The following DMTN variants were observed in gnomAD, a reference collection of about 807,000 sequenced individuals.
DMTN encodes the protein dematin actin binding protein.
A neutral mutation model predicts 59.4 loss-of-function variants in DMTN; 27 were observed. That is an observed-to-expected ratio of 0.45 (90% CI 0.33 to 0.63). DMTN has a LOEUF of 0.63. Among genes scored for constraint, DMTN ranks in the 20% least tolerant of loss-of-function variants. The pLI, the probability that DMTN is intolerant of heterozygous loss-of-function variation, is 0.02. For missense variants in DMTN, 451 were observed against 528.9 expected (o/e 0.85, Z 1.45); for synonymous variants, 221 against 203.7 (o/e 1.08, Z -0.72).
chr8:22,067,250 TC>T, intron 3 of DMTN, 91 bp downstream of exon 3: 1 of 1,399,098 alleles, frequency 7.1e-7, no homozygotes. Context: ...CCGCAGAGCC[TC>T]CCCAGTGGTG....
chr8:22,055,162 C>G (rs1351510623), upstream of DMTN, among the ~76,000 whole-genome samples: 3 of 152,164 alleles, frequency 2.0e-5, no homozygotes, highest in African/African-American at 7.2e-5. Flanking sequence ...TTCCAGGCCC[C>G]TGGCCACAGC....
At chr8:22,066,524 A>G (rs990741443) in intron 1 of DMTN, 181 bp from the exon 2 acceptor site, 5 of 189,530 alleles carry the variant, frequency 2.6e-5, no homozygotes, top group African/African-American at 1.2e-4. Flanking sequence ...CCAGAGAACA[A>G]TGGCTCAAAA....
chr8:22,052,446 T>G (rs1655891533), upstream of DMTN, among the ~76,000 whole-genome samples: 1 of 152,186 alleles, frequency 6.6e-6, no homozygotes, highest in Admixed American at 6.5e-5. Flanking sequence ...TCCTTCCTTC[T>G]TTAGGCAGAC....
chr8:22,069,161 G>T, intron 5 of DMTN, 101 bp downstream of exon 5: 1 of 1,394,224 alleles, frequency 7.2e-7, no homozygotes, highest in South Asian at 1.3e-5. Flanking sequence ...AGCCCAGGGA[G>T]TGCCCGAATC....
intron 10 of DMTN, 57 bp from the exon 11 acceptor site, chr8:22,080,123 C>A: frequency 6.2e-7 from 1 of 1,604,628 alleles, no homozygotes; most frequent in Non-Finnish European, 8.5e-7. Flanking sequence ...GTTGCTGTCT[C>A]AGGAAGGGCT....
At chr8:22,076,028 T>C (rs940258198) in intron 10 of DMTN, among the ~76,000 whole-genome samples, 4 of 152,158 alleles carry the variant, frequency 2.6e-5, no homozygotes, top group Non-Finnish European at 4.4e-5. Flanking sequence ...ATCCAGTGGC[T>C]GATTGGACGT....
At chr8:22,077,781 C>T (rs1316514226) in intron 10 of DMTN, among the ~76,000 whole-genome samples, 1 of 152,114 alleles carries the variant, frequency 6.6e-6, no homozygotes, top group Admixed American at 6.6e-5. Context: ...GAATCATGAA[C>T]AGGCATGTCA....
At chr8:22,080,714 C>A in intron 13 of DMTN, 89 bp downstream of exon 13, 1 of 1,582,204 alleles carries the variant, frequency 6.3e-7, no homozygotes, top group Non-Finnish European at 8.6e-7. Flanking sequence ...TGTGGGGCCA[C>A]AGAGTTGCCT....
chr8:22,068,764 A>C (rs1446743573), intron 4 of DMTN, among the ~76,000 whole-genome samples: 2 of 150,796 alleles, frequency 1.3e-5, no homozygotes, highest in African/African-American at 4.9e-5. Flanking sequence ...GGAAGGAAGG[A>C]AGGAAGAAAA....
At position 22,071,090 on chromosome 8, in the gene DMTN, ATTTATTT is replaced by A. The variant is rs1287874681; in HGVS notation, c.604+757_604+763del. On this transcript the variant is annotated intron_variant, in intron 8 of 15. Transcript: ENST00000358242. ...ATTTTATTGTATTTTTATTTTATTT[ATTTATTT>A]ATTTATTTATTTATTTGAGATGGAG... Among the ~76,000 whole-genome samples the A allele has an allele frequency of 5.0e-4, 10 of 19,976 alleles. No individual in the cohort carries two copies. The East Asian group carries it at 0.4, about 799-fold the overall frequency. 13.1% of individuals were successfully genotyped at this position (19,976 alleles called of 152,430 possible).
chr8:22,071,538 G>A (rs1467109694), intron 8 of DMTN, among the ~76,000 whole-genome samples: 1 of 151,676 alleles, frequency 6.6e-6, no homozygotes, highest in African/African-American at 2.4e-5. Context: ...AGGATTACAG[G>A]TGCCCACCAC....
intron 8 of DMTN, among the ~76,000 whole-genome samples, chr8:22,071,018 T>G (rs1041451784): frequency 6.6e-6 from 1 of 152,370 alleles, no homozygotes; most frequent in South Asian, 2.1e-4. Context: ...TGTGTATGTG[T>G]GTGTTGCCTA....
chr8:22,071,100 T>G (rs1460871592), intron 8 of DMTN, among the ~76,000 whole-genome samples: 1 of 151,970 alleles, frequency 6.6e-6, no homozygotes, highest in Non-Finnish European at 1.5e-5. Flanking sequence ...ATTTATTTAT[T>G]TATTTATTTA....
intron 9 of DMTN, among the ~76,000 whole-genome samples, chr8:22,073,125 G>A (rs1817011137): frequency 6.6e-6 from 1 of 152,206 alleles, no homozygotes. Context: ...TGAGCAGGGT[G>A]ACCTGGGACA....
intron 10 of DMTN, among the ~76,000 whole-genome samples, chr8:22,076,132 G>A (rs1034177502): frequency 3.9e-5 from 6 of 152,142 alleles, no homozygotes; most frequent in African/African-American, 1.2e-4. Context: ...GGATTTTCAG[G>A]GAAAGATGAG....
intron 1 of DMTN, among the ~76,000 whole-genome samples, chr8:22,059,014 C>T (rs549897655): frequency 3.9e-5 from 6 of 152,110 alleles, no homozygotes; most frequent in Non-Finnish European, 7.4e-5. Flanking sequence ...TGCAGCGCCG[C>T]ACTGCTCCAC....
intron 12 of DMTN, 46 bp from the exon 13 acceptor site, chr8:22,080,572 G>A: frequency 1.2e-6 from 2 of 1,612,876 alleles, no homozygotes; most frequent in African/African-American, 1.3e-5. Context: ...GTGTTGGCCT[G>A]CTGACCTCAG....
At position 22,072,463 on chromosome 8, in the gene DMTN, C is replaced by T. The variant is rs1355802867; in HGVS notation, c.729+13C>T. On this transcript the variant is annotated intron_variant, in intron 9 of 15. Transcript: ENST00000358242. The stretch of plus-strand genomic sequence containing the variant: ...GGAACTCAGTAAGGTAGCATCTCAC[C>T]ACCCCCACCCTCCACCCCTGTGCAG... 2.6e-6 allele frequency: 4 copies of T among 1,544,588 alleles called. No individual in the cohort carries two copies. The highest frequency in any genetic ancestry group is 3.4e-4 in the Middle Eastern group (2 of 5,914).
chr8:22,079,866 G>T (rs1230031921), intron 10 of DMTN, among the ~76,000 whole-genome samples: 1 of 152,114 alleles, frequency 6.6e-6, no homozygotes, highest in South Asian at 2.1e-4. Context: ...TATCCCAGAG[G>T]TTCATTTTAT....
Sources: allele counts gnomAD v4.1 joint callset (sites outside exome capture counted in the v4.1 genomes callset), GRCh38; gene constraint gnomAD v4.1.1; transcripts MANE v1.5; gene names NCBI Gene and HGNC (gene_info 2026-07-23, HGNC 2026-07-21).